CCSER1: variants seen among roughly 807,000 people sequenced by gnomAD.
The protein encoded by CCSER1 is serine-rich coiled-coil domain-containing protein 1.
A neutral mutation model predicts 82.0 loss-of-function variants in CCSER1; 41 were observed. That is an observed-to-expected ratio of 0.50 (90% CI 0.39 to 0.65). CCSER1 has a LOEUF of 0.65. Among genes scored for constraint, CCSER1 ranks in the 30% least tolerant of loss-of-function variants. The pLI is 0.00. For synonymous variants in CCSER1, 414 were observed against 383.9 expected, an observed-to-expected ratio of 1.08 and a Z score of -0.92; for missense variants, 1,119 against 1,064.2, an observed-to-expected ratio of 1.05 and a Z score of -0.72.
intron 8 of CCSER1, among the ~76,000 whole-genome samples, chr4:90,883,409 C>G (rs775618396): frequency 1.7e-4 from 26 of 151,938 alleles, no homozygotes; most frequent in Non-Finnish European, 3.2e-4. Flanking sequence ...TATATTGACA[C>G]TACAGTGTGC....
At chr4:90,311,013 T>G (rs915624965) in intron 2 of CCSER1, among the ~76,000 whole-genome samples, 2 of 152,096 alleles carry the variant, frequency 1.3e-5, no homozygotes, top group Non-Finnish European at 2.9e-5. Flanking sequence ...ATGATAATGA[T>G]GATGATATTA....
In CCSER1 at chr4:90,281,876, G is replaced by A. The variant is rs545342130; in HGVS notation, c.-41-26368G>A. ...GACAGCATTAGTTTATTTATTCAAT[G>A]AATAAAAATCCAACTTGAGTCACCA... On this transcript the variant is annotated intron_variant, in intron 1 of 10. Transcript: ENST00000509176. Among the ~76,000 whole-genome samples the A allele has an allele frequency of 3.3e-5, 5 of 152,126 alleles. No homozygotes were observed. In the South Asian group the frequency reaches 1.0e-3, roughly 32 times the overall value.
chr4:90,149,833 AT>A (rs1470067160), intron 1 of CCSER1, among the ~76,000 whole-genome samples: 1 of 152,114 alleles, frequency 6.6e-6, no homozygotes, highest in Non-Finnish European at 1.5e-5. Flanking sequence ...AGAGCAATAT[AT>A]TTTTCATATT....
intron 6 of CCSER1, chr4:90,682,892 T>C (rs1734152482): frequency 1.3e-5 from 2 of 152,078 alleles, no homozygotes; most frequent in South Asian, 4.1e-4. Flanking sequence ...TGTTTTTACA[T>C]TGACAGAAAA....
chr4:90,866,605 C>T (rs1242686513), intron 8 of CCSER1, among the ~76,000 whole-genome samples: 1 of 152,072 alleles, frequency 6.6e-6, no homozygotes, highest in African/African-American at 2.4e-5. Flanking sequence ...AAGAAATTTT[C>T]TTGTGTGTAG....
intron 5 of CCSER1, among the ~76,000 whole-genome samples, chr4:90,616,401 C>A (rs1458497696): frequency 6.6e-6 from 1 of 151,982 alleles, no homozygotes; most frequent in Non-Finnish European, 1.5e-5. Context: ...ATGTTTTAGA[C>A]TGGGTGTAGT....
chr4:90,636,630 G>C (rs1725462424), intron 6 of CCSER1, among the ~76,000 whole-genome samples: 1 of 151,924 alleles, frequency 6.6e-6, no homozygotes, highest in Non-Finnish European at 1.5e-5. Flanking sequence ...GATGAAAAAA[G>C]TACCTTTGAA....
chr4:91,495,645 A>G (rs1758760782), intron 10 of CCSER1, among the ~76,000 whole-genome samples: 1 of 151,514 alleles, frequency 6.6e-6, no homozygotes, highest in Admixed American at 6.6e-5. Flanking sequence ...TATCAATTTC[A>G]TAATTTTGGT....
chr4:90,436,829 C>T lies in CCSER1; in HGVS notation c.1604-31405C>T, dbSNP rs193001421. Among the ~76,000 whole-genome samples, 128 of 146,010 alleles carry T rather than the reference C, an allele frequency of 8.8e-4. 3 individuals carry two copies. In the East Asian group the frequency reaches 0.024, roughly 27 times the overall value. On this transcript the variant is annotated intron_variant, in intron 4 of 10. Coordinates refer to ENST00000509176, the MANE Select transcript of CCSER1 (RefSeq NM_001145065.2). ...TAGTTCCTTTTTTTTTTTTTTGAGA[C>T]GGAGTCTCACTCTGTCGCCCAGGCT...
intron 6 of CCSER1, among the ~76,000 whole-genome samples, chr4:90,708,709 A>C (rs1389556489): frequency 6.6e-6 from 1 of 152,080 alleles, no homozygotes; most frequent in African/African-American, 2.4e-5. Context: ...ATTTTCTTCA[A>C]GTGGTTCTTG....
chr4:90,733,855 G>A (rs1267556135), intron 7 of CCSER1, among the ~76,000 whole-genome samples: 1 of 151,852 alleles, frequency 6.6e-6, no homozygotes, highest in Admixed American at 6.6e-5. Flanking sequence ...TTTGTTTCTG[G>A]GTTCTCTATT....
chr4:90,650,680 A>G (rs1455194647), intron 6 of CCSER1, among the ~76,000 whole-genome samples: 2 of 152,152 alleles, frequency 1.3e-5, no homozygotes, highest in Non-Finnish European at 2.9e-5. Flanking sequence ...TTCCCTAAAT[A>G]CCTACATATT....
chr4:91,338,275 G>A (rs181900846), intron 10 of CCSER1, among the ~76,000 whole-genome samples: 63 of 152,214 alleles, frequency 4.1e-4, no homozygotes, highest in Middle Eastern at 3.4e-3. Context: ...TTATAAACCT[G>A]TAAATATATA....
chr4:90,188,894 G>GA (rs1735118932), intron 1 of CCSER1, among the ~76,000 whole-genome samples: 1 of 151,932 alleles, frequency 6.6e-6, no homozygotes, highest in Non-Finnish European at 1.5e-5. Flanking sequence ...TATGGGAATA[G>GA]AAAAAAATCT....
chr4:91,298,456 T>C (rs1744395631), intron 10 of CCSER1, among the ~76,000 whole-genome samples: 1 of 151,990 alleles, frequency 6.6e-6, no homozygotes, highest in Non-Finnish European at 1.5e-5. Context: ...CCTTTTGCCT[T>C]CCTTTTACCT....
At chr4:91,269,023 G>A (rs1467086495) in intron 10 of CCSER1, among the ~76,000 whole-genome samples, 1 of 152,122 alleles carries the variant, frequency 6.6e-6, no homozygotes, top group Non-Finnish European at 1.5e-5. Context: ...ACTATTTTTG[G>A]TCATGCAAAG....
chr4:91,000,954 A>G (rs1238191367), intron 9 of CCSER1, among the ~76,000 whole-genome samples: 1 of 152,128 alleles, frequency 6.6e-6, no homozygotes, highest in Admixed American at 6.5e-5. Flanking sequence ...CACTTCCAGT[A>G]CTATGTTTAA....
At chr4:91,191,809 TGAACTGGTTACCCA>T (rs919730591) in intron 10 of CCSER1, among the ~76,000 whole-genome samples, 1 of 152,228 alleles carries the variant, frequency 6.6e-6, no homozygotes, top group Non-Finnish European at 1.5e-5. Context: ...TGCGTGGCCC[TGAACTGGTTACCCA>T]GTCTTTTCAA....
chr4:90,809,778 G>T (rs911351365), intron 7 of CCSER1, among the ~76,000 whole-genome samples: 2 of 152,044 alleles, frequency 1.3e-5, no homozygotes, highest in Admixed American at 6.5e-5. Context: ...TGCAGTCCTA[G>T]CTACTTGGGA....
Sources: gnomAD v4.1 joint callset for allele counts (sites outside exome capture counted in the v4.1 genomes callset) on GRCh38, gnomAD v4.1.1 for gene constraint, MANE v1.5 for transcripts, NCBI Gene and HGNC (gene_info 2026-07-23, HGNC 2026-07-21) for gene names.